The following GRWD1 variants were observed in gnomAD, a reference collection of about 807,000 sequenced individuals.
GRWD1 encodes glutamate-rich WD repeat-containing protein 1.
A neutral mutation model predicts 45.3 loss-of-function variants in GRWD1; 29 were observed. The ratio of observed to expected loss-of-function variants is 0.64; its 90% CI spans 0.48 to 0.87. The LOEUF (loss-of-function observed/expected upper bound fraction) is 0.87. Ranked by LOEUF, GRWD1 falls within the 40% of genes least tolerant of loss-of-function variation. The pLI is 0.00. For missense variants in GRWD1, 592 were observed against 618.8 expected (o/e 0.96, Z 0.46); for synonymous variants, 262 against 257.6 (o/e 1.02, Z -0.16).
intron 1 of GRWD1, 52 bp downstream of exon 1, chr19:48,446,244 T>C (rs1034742569): frequency 2.2e-5 from 34 of 1,574,132 alleles, no homozygotes; most frequent in Non-Finnish European, 2.9e-5. Flanking sequence ...CCCGAGCCTT[T>C]AACCTGAGAG....
rs1272237017 is a variant in GRWD1 at position 48,446,824 on chromosome 19, G to A, written c.449G>A (p.Gly150Asp). ...GAGCTGGCCATGGTGCCCCACTATG[G>A]TGGCATCAACCGAGTTCGGGTAAGT... ...QLELAMVPHY[G>D]GINRVRVSWL... is the part of the protein sequence containing the mutation. The change falls in exon 3 of 7, where the codon GGT becomes GAT. Residue 150 changes from glycine (G) to aspartate (D), a missense_variant. Coordinates refer to ENST00000253237, the MANE Select transcript of GRWD1 (RefSeq NM_031485.4). 1 of 1,613,474 alleles carries A rather than the reference G, an allele frequency of 6.2e-7. No homozygotes were observed. The highest frequency in any genetic ancestry group is 1.7e-5 in the Admixed American group (1 of 59,974).
rs200748396 is a variant in GRWD1, at chr19:48,452,723, G to A, written c.1039G>A (p.Ala347Thr). Residue 347 changes from alanine (A) to threonine (T), a missense_variant, in exon 7 of 7, where the codon GCC (alanine) becomes ACC (threonine). Physicochemically the swap from Ala to Thr is moderately conservative, Grantham distance 58. Coordinates refer to ENST00000253237, the MANE Select transcript of GRWD1 (RefSeq NM_031485.4). This position sits in a 1 kb window ranked among gnomAD's most constrained non-coding sequence, Gnocchi z 5.1. ...CTCCCTCTAGTCTGGTTCCCCAGTG[G>A]CCACCTTCAAGCAGCACGTGGCCCC... is the stretch of plus-strand genomic sequence containing the variant. The part of the protein sequence containing the change: ...LRQFKSGSPV[A>T]TFKQHVAPVT... The A allele has an allele frequency of 1.3e-5, 20 of 1,572,056 alleles. No homozygotes were observed. The East Asian group carries it at 1.8e-4, about 14-fold the overall frequency.
chr19:48,446,377 A>G lies in GRWD1; in HGVS notation c.188-8A>G. ...TCTTAACTCGTAAACCCCGCCTTCCATCCCCAGGCGCCCCCTGTCTCAGCT... is the reference window on the plus strand; with the variant it reads ...TCTTAACTCGTAAACCCCGCCTTCCGTCCCCAGGCGCCCCCTGTCTCAGCT... On this transcript the variant is annotated splice_region_variant and splice_polypyrimidine_tract_variant and intron_variant, in intron 1 of 6. Transcript: ENST00000253237. 2 of 1,613,562 alleles carry G rather than the reference A, an allele frequency of 1.2e-6. No individual in the cohort carries two copies. The highest frequency in any genetic ancestry group is 1.7e-6 in the Non-Finnish European group (2 of 1,179,464).
chr19:48,446,925 C>T (rs1458636852), intron 3 of GRWD1, 82 bp downstream of exon 3: 4 of 980,114 alleles, frequency 4.1e-6, no homozygotes, highest in Non-Finnish European at 5.5e-6. Context: ...CCCAACACCT[C>T]CTCATGTTCT....
Position 48,450,422 on chromosome 19 carries a change from T to A in GRWD1, c.578T>A (p.Leu193Gln). Reference protein sequence around the residue: ...LLQVVEEPQALAAFLRDEQAQ... With the variant: ...LLQVVEEPQAQAAFLRDEQAQ... ...CAGGTGGTGGAGGAGCCCCAGGCCC[T>A]GGCAGCCTTCCTCCGGGATGAGCAG... Residue 193 changes from leucine (L) to glutamine (Q), a missense_variant, in exon 4 of 7, where the codon CTG becomes CAG. Leu to Gln is a moderately radical substitution (Grantham distance 113). Coordinates refer to ENST00000253237, the MANE Select transcript of GRWD1 (RefSeq NM_031485.4). The surrounding 1 kb of genome is among the most constrained non-coding windows in gnomAD (Gnocchi z 5.1). 6.2e-7 allele frequency: 1 copy of A among 1,614,100 alleles called. No individual in the cohort carries two copies.
Position 48,450,560 on chromosome 19 carries a change from G to T in GRWD1, c.682+34G>T, listed in dbSNP as rs181786064. The T allele has an allele frequency of 3.6e-3, 5,734 of 1,612,114 alleles. 13 individuals carry two copies. The highest frequency in any genetic ancestry group is 4.2e-3 in the Non-Finnish European group (5,006 of 1,178,650). On this transcript the variant is annotated intron_variant, in intron 4 of 6. Coordinates refer to ENST00000253237, the MANE Select transcript of GRWD1 (RefSeq NM_031485.4). The surrounding 1 kb of genome is among the most constrained non-coding windows in gnomAD (Gnocchi z 5.1). ...CTGGGGTGTTCAGGAGTCCCGGGAG[G>T]TCGGGGGAGCAGGGTCTGCAACAAG...
intron 3 of GRWD1, among the ~76,000 whole-genome samples, chr19:48,449,710 A>G (rs1008661699): frequency 5.3e-5 from 8 of 152,152 alleles, no homozygotes; most frequent in Non-Finnish European, 1.5e-5. Context: ...AGTCCCAACT[A>G]CTTGGGAGGC....
At position 48,452,745 on chromosome 19, in the gene GRWD1, C is replaced by G; in HGVS notation, c.1061C>G (p.Ala354Gly). The G allele has an allele frequency of 3.1e-6, 5 of 1,592,644 alleles. No homozygotes were observed. The highest frequency in any genetic ancestry group is 4.3e-6 in the Non-Finnish European group (5 of 1,164,748). Residue 354 changes from alanine (A) to glycine (G), a missense_variant, in exon 7 of 7, where the codon GCC becomes GGC. Ala to Gly is a moderately conservative substitution (Grantham distance 60, BLOSUM62 0). Transcript: ENST00000253237. This position sits in a 1 kb window ranked among gnomAD's most constrained non-coding sequence, Gnocchi z 5.1. ...GTGGCCACCTTCAAGCAGCACGTGGCCCCCGTGACCTCCGTCGAGTGGCAC... is the reference window on the plus strand; with the variant it reads ...GTGGCCACCTTCAAGCAGCACGTGGGCCCCGTGACCTCCGTCGAGTGGCAC... Reference protein sequence around the residue: ...SPVATFKQHVAPVTSVEWHPQ... With the variant: ...SPVATFKQHVGPVTSVEWHPQ...
intron 6 of GRWD1, among the ~76,000 whole-genome samples, chr19:48,451,608 T>C (rs1330605052): frequency 6.6e-6 from 1 of 152,076 alleles, no homozygotes; most frequent in Non-Finnish European, 1.5e-5. Context: ...GCCTGCTCGT[T>C]GTAGGAGAAG....
Position 48,446,136 on chromosome 19 carries a change from G to A in GRWD1, c.131G>A (p.Gly44Glu), listed in dbSNP as rs779219427. Residue 44 changes from glycine (G) to glutamate (E), a missense_variant, in exon 1 of 7, where the codon GGG (glycine) becomes GAG (glutamate). Gly to Glu is a moderately conservative substitution (Grantham distance 98). Transcript: ENST00000253237. ...GGCCGGGGGCCGCCGCTACGCGAAG[G>A]GGAGGAGCTGGTCATGGACGAGGAG... is the stretch of plus-strand genomic sequence containing the variant. ...LPGRGPPLRE[G>E]EELVMDEEAY... 2 of 1,607,986 alleles carry A rather than the reference G, an allele frequency of 1.2e-6. No individual in the cohort carries two copies. The highest frequency in any genetic ancestry group is 2.7e-5 in the African/African-American group (2 of 74,850).
Position 48,446,112 on chromosome 19 carries a change from G to T in GRWD1, c.107G>T (p.Gly36Val). 6.3e-7 allele frequency: 1 copy of T among 1,591,624 alleles called. No homozygotes were observed. The highest frequency in any genetic ancestry group is 1.1e-5 in the South Asian group (1 of 87,694). ...GGCCCGGCCCAGGTCTACCTGCCCG[G>T]CCGGGGGCCGCCGCTACGCGAAGGG... ...SEGPAQVYLP[G>V]RGPPLREGEE... is the part of the protein sequence containing the mutation. The change falls in exon 1 of 7, where the codon GGC becomes GTC. Residue 36 changes from glycine (G) to valine (V), a missense_variant. Coordinates refer to ENST00000253237, the MANE Select transcript of GRWD1 (RefSeq NM_031485.4).
Position 48,453,011 on chromosome 19 carries a change from A to G in GRWD1, c.1327A>G (p.Thr443Ala). ...GCTGTCAGGCTTCACCATCTTCCGC[A>G]CCATCAGCGTCTGAGGCGTCCCACT... ...TALSGFTIFR[T>A]ISV Residue 443 changes from threonine to alanine, a missense_variant, in exon 7 of 7, where the codon ACC (threonine) becomes GCC (alanine). Transcript: ENST00000253237. The G allele has an allele frequency of 1.3e-6, 2 of 1,587,476 alleles. No individual in the cohort carries two copies. The highest frequency in any genetic ancestry group is 1.7e-6 in the Non-Finnish European group (2 of 1,162,138).
At chr19:48,448,192 C>T (rs1274011724) in intron 3 of GRWD1, among the ~76,000 whole-genome samples, 3 of 152,158 alleles carry the variant, frequency 2.0e-5, no homozygotes, top group Non-Finnish European at 2.9e-5. Context: ...CTCAAGTGAT[C>T]TGCCCACCTT....
rs1482292398 is a variant in GRWD1 at position 48,450,029 on chromosome 19, G to A, written c.469-284G>A. 6.6e-6 allele frequency among the ~76,000 whole-genome samples: 1 copy of A among 151,968 alleles called. No homozygotes were observed. The highest frequency in any genetic ancestry group is 2.4e-5 in the African/African-American group (1 of 41,350). On this transcript the variant is annotated intron_variant, in intron 3 of 6. Coordinates refer to ENST00000253237, the MANE Select transcript of GRWD1 (RefSeq NM_031485.4). The surrounding 1 kb of genome is among the most constrained non-coding windows in gnomAD (Gnocchi z 5.1). ...AGCCTGAACACCCTCCCAAGGGCTG[G>A]TGGGAATTGCAGCCTCAACTCCCAG...
Position 48,452,665 on chromosome 19 carries a change from G to A in GRWD1, c.1024-43G>A, listed in dbSNP as rs758238232. 3.1e-5 allele frequency: 46 copies of A among 1,496,456 alleles called. No homozygotes were observed. The highest frequency in any genetic ancestry group is 3.9e-5 in the Admixed American group (2 of 51,096). 92.7% of individuals were successfully genotyped at this position (1,496,456 alleles called of 1,614,324 possible). Reference sequence around the variant, plus strand: ...CTGCCTGGGTCCTCCCCAGAGTCAGGCTGAGGCATTCAGAGCCCGTTCCTC... The same window carrying A: ...CTGCCTGGGTCCTCCCCAGAGTCAGACTGAGGCATTCAGAGCCCGTTCCTC... On this transcript the variant is annotated intron_variant, in intron 6 of 6. Transcript: ENST00000253237. This position sits in a 1 kb window ranked among gnomAD's most constrained non-coding sequence, Gnocchi z 5.1.
In GRWD1 at chr19:48,451,063, C is replaced by T. The variant is rs1971470333; in HGVS notation, c.855C>T (p.Ser285=). The change falls in exon 6 of 7, where the codon TCC becomes TCT. Residue 285 remains serine, a synonymous_variant. Coordinates refer to ENST00000253237, the MANE Select transcript of GRWD1 (RefSeq NM_031485.4). ...TTGCCTCCTGCTCAGCTGACGCCTC[C>T]ATCCGCATCTGGGACATCCGGGCAG... ...TVFASCSADA[S]IRIWDIRAAP... 2 of 1,614,028 alleles carry T rather than the reference C, an allele frequency of 1.2e-6. No homozygotes were observed. The highest frequency in any genetic ancestry group is 1.7e-6 in the Non-Finnish European group (2 of 1,179,986).
rs775055363 is a variant in GRWD1, at chr19:48,450,649, C to G, written c.683-17C>G. 2.5e-6 allele frequency: 4 copies of G among 1,612,564 alleles called. No homozygotes were observed. The highest frequency in any genetic ancestry group is 1.7e-5 in the Admixed American group (1 of 59,964). ...CGGCCAGGTGGGGCGAGGTCATTTC[C>G]TGACTCCCTTCCCCAGGTCGCCTGC... On this transcript the variant is annotated splice_polypyrimidine_tract_variant and intron_variant, in intron 4 of 6. Transcript: ENST00000253237. The surrounding 1 kb of genome is among the most constrained non-coding windows in gnomAD (Gnocchi z 5.1).
chr19:48,447,573 C>T (rs757909043), intron 3 of GRWD1, among the ~76,000 whole-genome samples: 19 of 151,984 alleles, frequency 1.3e-4, no homozygotes, highest in Non-Finnish European at 2.6e-4. Flanking sequence ...GACAAGGTTT[C>T]GCCTTGTTGG....
In GRWD1 at chr19:48,452,298, A is replaced by G. The variant is rs1000851469; in HGVS notation, c.1024-410A>G. ...TTTTTAGTAGAGATGGGGTTTCACC[A>G]TGTTGTTCAGGCTGGTCTCCAACTC... On this transcript the variant is annotated intron_variant, in intron 6 of 6. Coordinates refer to ENST00000253237, the MANE Select transcript of GRWD1 (RefSeq NM_031485.4). The surrounding 1 kb of genome is among the most constrained non-coding windows in gnomAD (Gnocchi z 5.1). 2.6e-5 allele frequency among the ~76,000 whole-genome samples: 4 copies of G among 151,768 alleles called. No individual in the cohort carries two copies. The highest frequency in any genetic ancestry group is 4.4e-5 in the Non-Finnish European group (3 of 67,968).
Sources: allele counts gnomAD v4.1 joint callset (sites outside exome capture counted in the v4.1 genomes callset), GRCh38; gene constraint gnomAD v4.1.1; non-coding constraint Gnocchi (gnomAD v3.1); transcripts MANE v1.5; gene names NCBI Gene and HGNC (gene_info 2026-07-23, HGNC 2026-07-21).